The following PTPRK variants were observed in gnomAD, a reference collection of about 807,000 sequenced individuals.
The protein encoded by PTPRK is protein tyrosine phosphatase receptor type K, also known as receptor-type tyrosine-protein phosphatase kappa.
A neutral mutation model predicts 178.0 loss-of-function variants in PTPRK; 75 were observed. That is an observed-to-expected ratio of 0.42 (90% confidence interval 0.35 to 0.51). PTPRK has a LOEUF of 0.51. PTPRK is among the 20% of genes least tolerant of loss of function. PTPRK has a pLI of 0.02. For missense variants in PTPRK, 1,441 were observed against 1,797.8 expected, an observed-to-expected ratio of 0.80 and a Z score of 3.59; for synonymous variants, 637 against 620.6, an observed-to-expected ratio of 1.03 and a Z score of -0.39.
chr6:128,015,386 T>C (rs893945589), intron 13 of PTPRK, among the ~76,000 whole-genome samples: 1 of 151,744 alleles, frequency 6.6e-6, no homozygotes, highest in Admixed American at 6.6e-5. Flanking sequence ...TGCACTGTCT[T>C]ACTTCTTAAA....
At chr6:127,977,805 ATTATC>A (rs1774785720) in intron 25 of PTPRK, among the ~76,000 whole-genome samples, 1 of 152,194 alleles carries the variant, frequency 6.6e-6, no homozygotes, top group Non-Finnish European at 1.5e-5. Flanking sequence ...AACACAATAT[ATTATC>A]TCTTTCCAAA....
intron 2 of PTPRK, among the ~76,000 whole-genome samples, chr6:128,346,347 C>T (rs1170693815): frequency 1.3e-5 from 2 of 151,962 alleles, no homozygotes; most frequent in Non-Finnish European, 2.9e-5. Flanking sequence ...AATAGAGAAG[C>T]AGTCTTTTTT....
intron 6 of PTPRK, among the ~76,000 whole-genome samples, chr6:128,189,770 G>A (rs1013670154): frequency 4.6e-5 from 7 of 151,796 alleles, no homozygotes; most frequent in Non-Finnish European, 1.0e-4. Context: ...TCCAGTTCTG[G>A]TTCCTGTTAG....
chr6:127,970,200 G>T lies in PTPRK; in HGVS notation c.*27C>A. 1 of 1,574,866 alleles carries T rather than the reference G, an allele frequency of 6.3e-7. No individual in the cohort carries two copies. The highest frequency in any genetic ancestry group is 8.7e-7 in the Non-Finnish European group (1 of 1,149,554). ...TCAATAGATGGACAGGTTTCTTCAT[G>T]GATGCACTTTAAAGAGTCTCACCCA... On this transcript the variant is annotated 3_prime_UTR_variant, in exon 30 of 30. Coordinates refer to ENST00000368226, the MANE Select transcript of PTPRK (RefSeq NM_002844.4).
intron 6 of PTPRK, among the ~76,000 whole-genome samples, chr6:128,197,183 T>TG (rs1805014570): frequency 2.5e-5 from 1 of 39,550 alleles, no homozygotes; most frequent in Non-Finnish European, 4.9e-5. Context: ...TTTGTTTTTT[T>TG]CTTTTTTTTT....
At chr6:128,474,402 T>A (rs1443918078) in intron 1 of PTPRK, among the ~76,000 whole-genome samples, 2 of 151,970 alleles carry the variant, frequency 1.3e-5, no homozygotes, top group Non-Finnish European at 2.9e-5. Context: ...AAAAATGATC[T>A]TCCTAACTCA....
chr6:128,413,529 A>T (rs1032495071), intron 1 of PTPRK, among the ~76,000 whole-genome samples: 18 of 152,162 alleles, frequency 1.2e-4, no homozygotes, highest in Admixed American at 2.6e-4. Flanking sequence ...CATACTCTTC[A>T]TCTTAAGAAA....
chr6:128,290,311 T>C (rs1397653087), intron 3 of PTPRK, among the ~76,000 whole-genome samples: 2 of 151,928 alleles, frequency 1.3e-5, no homozygotes, highest in African/African-American at 4.8e-5. Flanking sequence ...AGAGCTAGCA[T>C]CCAAAAAAAC....
intron 2 of PTPRK, among the ~76,000 whole-genome samples, chr6:128,349,002 C>T (rs1832778235): frequency 6.6e-6 from 1 of 152,068 alleles, no homozygotes. Flanking sequence ...GATTTCCATA[C>T]TATACTTGCC....
intron 3 of PTPRK, among the ~76,000 whole-genome samples, chr6:128,300,525 C>T (rs1426061498): frequency 6.6e-6 from 1 of 151,022 alleles, no homozygotes; most frequent in African/African-American, 2.4e-5. Context: ...ATATACTATG[C>T]AGCCATAAAA....
At chr6:128,243,488 T>TAAAA (rs760606919) in intron 3 of PTPRK, among the ~76,000 whole-genome samples, 13 of 59,114 alleles carry the variant, frequency 2.2e-4, no homozygotes, top group East Asian at 3.3e-4. Flanking sequence ...AGCCTGTCGC[T>TAAAA]AAAAAAAAAA....
chr6:128,361,848 CTAAA>C, intron 2 of PTPRK, among the ~76,000 whole-genome samples: 1 of 152,242 alleles, frequency 6.6e-6, no homozygotes, highest in Non-Finnish European at 1.5e-5. Context: ...TTTAGTTCAT[CTAAA>C]TAAAGGCATT....
rs572502735 is a variant in PTPRK, at chr6:128,316,888, A to C, written c.495+5151T>G. Among the ~76,000 whole-genome samples, 3 of 151,852 alleles carry C rather than the reference A, an allele frequency of 2.0e-5. No individual in the cohort carries two copies. The South Asian group carries it at 6.2e-4, about 32-fold the overall frequency. On this transcript the variant is annotated intron_variant, in intron 3 of 29. Transcript: ENST00000368226. ...CCCGCCACCATGCCCGGCTAATTTC[A>C]GGATTCTAAGTTTCAAGAAAACAAT...
intron 7 of PTPRK, among the ~76,000 whole-genome samples, chr6:128,148,763 G>C (rs1273821971): frequency 6.6e-6 from 1 of 151,914 alleles, no homozygotes; most frequent in Non-Finnish European, 1.5e-5. Context: ...AAACATTTTA[G>C]AGTTATCAAA....
chr6:128,500,036 C>CA (rs1449507523), intron 1 of PTPRK, among the ~76,000 whole-genome samples: 1 of 152,104 alleles, frequency 6.6e-6, no homozygotes, highest in African/African-American at 2.4e-5. Flanking sequence ...TTGGTGGACT[C>CA]AAAACACTCA....
At chr6:128,157,405 C>G (rs1798089733) in intron 7 of PTPRK, among the ~76,000 whole-genome samples, 1 of 151,950 alleles carries the variant, frequency 6.6e-6, no homozygotes, top group South Asian at 2.1e-4. Context: ...TATTATGAAG[C>G]ACATCACAGT....
intron 1 of PTPRK, among the ~76,000 whole-genome samples, chr6:128,428,353 T>C (rs1357751934): frequency 6.6e-6 from 1 of 152,208 alleles, no homozygotes; most frequent in Admixed American, 6.5e-5. Flanking sequence ...ACATCATTAG[T>C]AGACTACTAA....
intron 3 of PTPRK, among the ~76,000 whole-genome samples, chr6:128,308,190 T>C (rs573296176): frequency 6.6e-6 from 1 of 152,110 alleles, no homozygotes; most frequent in African/African-American, 2.4e-5. Context: ...TATAAAACAT[T>C]TGTTAACTGT....
At chr6:128,178,909 C>T (rs1374694576) in intron 7 of PTPRK, among the ~76,000 whole-genome samples, 1 of 151,756 alleles carries the variant, frequency 6.6e-6, no homozygotes, top group Non-Finnish European at 1.5e-5. Context: ...GAAATAGTAA[C>T]CATGGTTTCT....
Sources: allele counts gnomAD v4.1 joint callset (sites outside exome capture counted in the v4.1 genomes callset), GRCh38; gene constraint gnomAD v4.1.1; transcripts MANE v1.5; gene names NCBI Gene and HGNC (gene_info 2026-07-23, HGNC 2026-07-21).